Variants in CDC42EP2 observed in about 807,000 individuals in gnomAD.
The protein encoded by CDC42EP2 is CDC42 effector protein (Rho GTPase binding) 2.
CDC42EP2 carries 5 observed loss-of-function variants against 7.3 expected under a neutral mutation model. That is an observed-to-expected ratio of 0.68 (90% CI 0.36 to 1.44). The LOEUF is 1.44. Ranked by LOEUF, CDC42EP2 falls within the 40% of genes most tolerant of loss-of-function variation. The probability of loss-of-function intolerance (pLI) is 0.04; values close to 1 mark genes in which losing one functional copy is unlikely to be tolerated. For synonymous variants in CDC42EP2, 113 were observed against 123.6 expected (o/e 0.91, Z 0.57); for missense variants, 251 against 282.6 (o/e 0.89, Z 0.80).
intron 1 of CDC42EP2, among the ~76,000 whole-genome samples, chr11:65,316,546 G>A (rs1949948714): frequency 6.6e-6 from 1 of 152,160 alleles, no homozygotes; most frequent in African/African-American, 2.4e-5. Flanking sequence ...CCCACTGCAT[G>A]GGAACCACGT....
rs749247580 is a variant in CDC42EP2, at chr11:65,320,970, G to A, written c.72G>A (p.Leu24=). The change falls in exon 2 of 2, where the codon CTG becomes CTA. Residue 24 remains leucine (L), a synonymous_variant. Transcript: ENST00000279249. The part of the protein sequence containing the change: ...RKGKKEKLRD[L]LSSDMISPPL... ...GCAAGAAGGAGAAGCTTCGGGACCTGCTGTCCTCGGACATGATCAGCCCAC... is the reference window on the plus strand; with the variant it reads ...GCAAGAAGGAGAAGCTTCGGGACCTACTGTCCTCGGACATGATCAGCCCAC... 1.2e-6 allele frequency: 2 copies of A among 1,613,538 alleles called. No individual in the cohort carries two copies. The highest frequency in any genetic ancestry group is 1.1e-5 in the South Asian group (1 of 91,080).
Position 65,322,247 on chromosome 11 carries a change from G to A in CDC42EP2, c.*716G>A, listed in dbSNP as rs1192479486. 1 of 167,036 alleles carries A rather than the reference G, an allele frequency of 6.0e-6. No homozygotes were observed. The highest frequency in any genetic ancestry group is 2.4e-5 in the African/African-American group (1 of 41,450). 10.3% of individuals were successfully genotyped at this position (167,036 alleles called of 1,614,324 possible). A position where few individuals can be genotyped will look rare whatever the true frequency, so the allele number is the denominator to read the frequency against. On this transcript the variant is annotated 3_prime_UTR_variant, in exon 2 of 2. Transcript: ENST00000279249. Reference sequence around the variant, plus strand: ...TCGTACCTGACGCTGAGCCTGTCATGAGAATGCAACAGGAGCAAACCAAGT... The same window carrying A: ...TCGTACCTGACGCTGAGCCTGTCATAAGAATGCAACAGGAGCAAACCAAGT...
intron 1 of CDC42EP2, among the ~76,000 whole-genome samples, chr11:65,318,073 CTG>C (rs957533535): frequency 2.0e-5 from 3 of 150,316 alleles, no homozygotes; most frequent in African/African-American, 7.4e-5. Context: ...AGATTTTTCT[CTG>C]TGTTTTAAAT....
At position 65,315,933 on chromosome 11, in the gene CDC42EP2, G is replaced by A. The variant is rs1949945865; in HGVS notation, c.-356+979G>A. ...GCCCCGGAGAATCGAAGTGCTTGAG[G>A]AAGGAAGGCCTTGTAGATATTTGCT... is the stretch of plus-strand genomic sequence containing the variant. On this transcript the variant is annotated intron_variant, in intron 1 of 1. Transcript: ENST00000279249. This position sits in a 1 kb window ranked among gnomAD's most constrained non-coding sequence, Gnocchi z 4.1. Among the ~76,000 whole-genome samples the A allele has an allele frequency of 6.6e-6, 1 of 152,350 alleles. No homozygotes were observed. The highest frequency in any genetic ancestry group is 3.4e-3 in the Middle Eastern group (1 of 294).
Position 65,321,763 on chromosome 11 carries a change from G to A in CDC42EP2, c.*232G>A. On this transcript the variant is annotated 3_prime_UTR_variant, in exon 2 of 2. Transcript: ENST00000279249. This position sits in a 1 kb window ranked among gnomAD's most constrained non-coding sequence, Gnocchi z 4.4. The stretch of plus-strand genomic sequence containing the variant: ...GACACATCCTGAAGTCAGCCCAGGC[G>A]CCCTGAGCATCTTGGGGCACCTGGA... The A allele has an allele frequency of 4.0e-6, 2 of 493,830 alleles. No individual in the cohort carries two copies. Among genetic ancestry groups the A allele is most frequent in the South Asian group, 3.8e-5 (1 of 25,978 alleles). 30.6% of individuals were successfully genotyped at this position (493,830 alleles called of 1,614,324 possible). A position where few individuals can be genotyped will look rare whatever the true frequency, so the allele number is the denominator to read the frequency against.
At chr11:65,319,064 T>G (rs1419438981) in intron 1 of CDC42EP2, among the ~76,000 whole-genome samples, 1 of 151,504 alleles carries the variant, frequency 6.6e-6, no homozygotes, top group Non-Finnish European at 1.5e-5. Flanking sequence ...CAATGCCCTG[T>G]GGGAATCCTC....
At chr11:65,318,669 C>T (rs550626805) in intron 1 of CDC42EP2, among the ~76,000 whole-genome samples, 57 of 151,804 alleles carry the variant, frequency 3.8e-4, no homozygotes, top group Middle Eastern at 3.4e-3. Flanking sequence ...ATGATCCGCC[C>T]GCCTCGGCCT....
chr11:65,317,193 G>A (rs573336612), intron 1 of CDC42EP2: 4 of 152,226 alleles, frequency 2.6e-5, no homozygotes, highest in Admixed American at 6.5e-5. Flanking sequence ...TTTCCGCCAC[G>A]GGAGAGTCAT....
Position 65,320,749 on chromosome 11 carries a change from C to G in CDC42EP2, c.-150C>G. The G allele has an allele frequency of 1.4e-6, 1 of 727,216 alleles. No individual in the cohort carries two copies. The highest frequency in any genetic ancestry group is 2.2e-6 in the Non-Finnish European group (1 of 448,314). The allele number at this position is 727,216 out of a possible 1,614,324, so 45.0% of individuals were successfully genotyped here. ...CCTTGGGCCAACTTTGTTCGTGCCC[C>G]CACACTGTAGCCAGAAGCCCGTTGG... On this transcript the variant is annotated 5_prime_UTR_variant, in exon 2 of 2. Coordinates refer to ENST00000279249, the MANE Select transcript of CDC42EP2 (RefSeq NM_006779.4).
At position 65,315,859 on chromosome 11, in the gene CDC42EP2, G is replaced by A. The variant is rs1949945385; in HGVS notation, c.-356+905G>A. Among the ~76,000 whole-genome samples, 1 of 152,236 alleles carries A rather than the reference G, an allele frequency of 6.6e-6. No individual in the cohort carries two copies. Among genetic ancestry groups the A allele is most frequent in the African/African-American group, 2.4e-5 (1 of 41,468 alleles). On this transcript the variant is annotated intron_variant, in intron 1 of 1. Coordinates refer to ENST00000279249, the MANE Select transcript of CDC42EP2 (RefSeq NM_006779.4). This position sits in a 1 kb window ranked among gnomAD's most constrained non-coding sequence, Gnocchi z 4.1. ...AGGTCTAGGAGGGCGGGAGGAGGTGGACGCCTGGGGTCAGGAGCCCTTCGT... is the reference window on the plus strand; with the variant it reads ...AGGTCTAGGAGGGCGGGAGGAGGTGAACGCCTGGGGTCAGGAGCCCTTCGT...
At chr11:65,319,558 C>T (rs1949964040) in intron 1 of CDC42EP2, among the ~76,000 whole-genome samples, 1 of 152,166 alleles carries the variant, frequency 6.6e-6, no homozygotes, top group African/African-American at 2.4e-5. Flanking sequence ...AATATATGTA[C>T]TCCCCACTCC....
intron 1 of CDC42EP2, among the ~76,000 whole-genome samples, chr11:65,316,481 A>G (rs574636249): frequency 6.6e-6 from 1 of 152,264 alleles, no homozygotes; most frequent in East Asian, 1.9e-4. Context: ...TTCCCAGCCT[A>G]GCTGTGAGCC....
At position 65,321,772 on chromosome 11, in the gene CDC42EP2, A is replaced by G; in HGVS notation, c.*241A>G. 2.1e-6 allele frequency: 1 copy of G among 478,636 alleles called. No individual in the cohort carries two copies. Among genetic ancestry groups the G allele is most frequent in the Non-Finnish European group, 3.9e-6 (1 of 258,250 alleles). The allele number at this position is 478,636 out of a possible 1,614,324, so 29.6% of individuals were successfully genotyped here. On this transcript the variant is annotated 3_prime_UTR_variant, in exon 2 of 2. Coordinates refer to ENST00000279249, the MANE Select transcript of CDC42EP2 (RefSeq NM_006779.4). This position sits in a 1 kb window ranked among gnomAD's most constrained non-coding sequence, Gnocchi z 4.4. ...TGAAGTCAGCCCAGGCGCCCTGAGC[A>G]TCTTGGGGCACCTGGACCCCATCAC... is the stretch of plus-strand genomic sequence containing the variant.
In CDC42EP2 at chr11:65,321,436, C is replaced by T; in HGVS notation, c.538C>T (p.Leu180=). 2 of 1,613,792 alleles carry T rather than the reference C, an allele frequency of 1.2e-6. No individual in the cohort carries two copies. The highest frequency in any genetic ancestry group is 8.5e-7 in the Non-Finnish European group (1 of 1,179,994). The stretch of plus-strand genomic sequence containing the variant: ...GCCCTTCCTGTCCAATGCCAGCTCC[C>T]TGCTGTCCCTGCACGTGGACCTGGG... ...EEPFLSNASS[L]LSLHVDLGPS... The change falls in exon 2 of 2, where the codon CTG becomes TTG. Residue 180 remains leucine (L), a synonymous_variant. Coordinates refer to ENST00000279249, the MANE Select transcript of CDC42EP2 (RefSeq NM_006779.4). The surrounding 1 kb of genome is among the most constrained non-coding windows in gnomAD (Gnocchi z 4.4).
Position 65,321,801 on chromosome 11 carries a change from A to G in CDC42EP2, c.*270A>G. ...TGGGGCACCTGGACCCCATCACAAT[A>G]CTCCTTCTTCCTTCAGGTCCCTGGG... On this transcript the variant is annotated 3_prime_UTR_variant, in exon 2 of 2. Transcript: ENST00000279249. This position sits in a 1 kb window ranked among gnomAD's most constrained non-coding sequence, Gnocchi z 4.4. 5.1e-6 allele frequency: 2 copies of G among 388,704 alleles called. No homozygotes were observed. The highest frequency in any genetic ancestry group is 4.2e-5 in the East Asian group (1 of 23,946). The allele number at this position is 388,704 out of a possible 1,614,324, so 24.1% of individuals were successfully genotyped here. A position where few individuals can be genotyped will look rare whatever the true frequency, so the allele number is the denominator to read the frequency against.
chr11:65,317,311 G>A (rs1949952523), intron 1 of CDC42EP2: 1 of 152,376 alleles, frequency 6.6e-6, no homozygotes, highest in African/African-American at 2.4e-5. Flanking sequence ...GGGGTTTCCT[G>A]AGCAAGGGCC....
chr11:65,317,397 C>T (rs1033042121), intron 1 of CDC42EP2, among the ~76,000 whole-genome samples: 18 of 152,170 alleles, frequency 1.2e-4, no homozygotes, highest in Admixed American at 1.0e-3. Context: ...CTCCCGCCTC[C>T]CAACCCCCTC....
chr11:65,321,682 C>A lies in CDC42EP2; in HGVS notation c.*151C>A. On this transcript the variant is annotated 3_prime_UTR_variant, in exon 2 of 2. Transcript: ENST00000279249. This position sits in a 1 kb window ranked among gnomAD's most constrained non-coding sequence, Gnocchi z 4.4. ...CCTTCTGAGCCGTGTTTCCCCTCTCCCTCCCTCTCCACGTGGGCAGGGCAG... is the reference window on the plus strand; with the variant it reads ...CCTTCTGAGCCGTGTTTCCCCTCTCACTCCCTCTCCACGTGGGCAGGGCAG... 1 of 716,738 alleles carries A rather than the reference C, an allele frequency of 1.4e-6. No homozygotes were observed. The highest frequency in any genetic ancestry group is 2.7e-5 in the East Asian group (1 of 36,930). The allele number at this position is 716,738 out of a possible 1,614,324, so 44.4% of individuals were successfully genotyped here. A position where few individuals can be genotyped will look rare whatever the true frequency, so the allele number is the denominator to read the frequency against.
intron 1 of CDC42EP2, among the ~76,000 whole-genome samples, chr11:65,318,868 CTTTTTTTTTTTTTTTTTTTTTTT>C (rs11333656): frequency 6.3e-4 from 16 of 25,580 alleles, no homozygotes; most frequent in East Asian, 4.2e-3. Context: ...CTGCACCTGA[CTTTTTTTTTTTTTTTTTTTTTTT>C]TTTTTTTTTT....
Sources: gnomAD v4.1 joint callset for allele counts (sites outside exome capture counted in the v4.1 genomes callset) on GRCh38, gnomAD v4.1.1 for gene constraint, Gnocchi (gnomAD v3.1) non-coding constraint, MANE v1.5 for transcripts, NCBI Gene and HGNC (gene_info 2026-07-23, HGNC 2026-07-21) for gene names.